The following NTRK3 variants were observed in gnomAD, a reference collection of about 807,000 sequenced individuals.
NTRK3 encodes NT-3 growth factor receptor.
Under a neutral mutation model 91.7 loss-of-function variants are expected in NTRK3, and 24 were observed. The ratio of observed to expected loss-of-function variants is 0.26; its 90% CI spans 0.19 to 0.37. The LOEUF is 0.37. NTRK3 is among the 10% of genes least tolerant of loss of function. The pLI is 1.00. For synonymous variants in NTRK3, 483 were observed against 404.0 expected, an observed-to-expected ratio of 1.20 and a Z score of -2.34; for missense variants, 880 against 1,068.9, an observed-to-expected ratio of 0.82 and a Z score of 2.46.
chr15:87,905,406 A>G (rs2066706898), intron 17 of NTRK3, among the ~76,000 whole-genome samples: 1 of 152,182 alleles, frequency 6.6e-6, no homozygotes, highest in African/African-American at 2.4e-5. Context: ...TTGAAACATA[A>G]CCTTATCAGG....
chr15:88,044,280 A>C (rs867530964), intron 13 of NTRK3, among the ~76,000 whole-genome samples: 2 of 45,592 alleles, frequency 4.4e-5, no homozygotes, highest in Non-Finnish European at 9.7e-5. Context: ...TTTTTTTTTG[A>C]GATGGAGTCT....
intron 13 of NTRK3, among the ~76,000 whole-genome samples, chr15:88,097,099 T>G (rs2049688395): frequency 6.6e-6 from 1 of 152,260 alleles, no homozygotes; most frequent in Admixed American, 6.5e-5. Context: ...ACTTGGCTAG[T>G]GACACAGGCT....
rs1597597265 is a variant in NTRK3, at chr15:88,147,325, C to T, written c.464+10G>A. On this transcript the variant is annotated intron_variant, in intron 6 of 18. Coordinates refer to ENST00000394480, the Ensembl canonical transcript of NTRK3. The stretch of plus-strand genomic sequence containing the variant: ...TTCAGTACCTGGACAGTCTTCAAAA[C>T]CAAACTTACAATTCCCGAAGACTCA... The T allele has an allele frequency of 1.2e-6, 2 of 1,613,268 alleles. No homozygotes were observed. The highest frequency in any genetic ancestry group is 1.3e-5 in the African/African-American group (1 of 75,032).
At chr15:88,036,968 A>G (rs1383975168) in intron 13 of NTRK3, among the ~76,000 whole-genome samples, 1 of 152,204 alleles carries the variant, frequency 6.6e-6, no homozygotes, top group Non-Finnish European at 1.5e-5. Context: ...ATAGATAGCA[A>G]GTAGTCAATG....
rs572156256 is a variant in NTRK3 at position 87,980,653 on chromosome 15, A to G, written c.1586-39900T>C. 2.0e-5 allele frequency among the ~76,000 whole-genome samples: 3 copies of G among 152,296 alleles called. No homozygotes were observed. The South Asian group carries it at 6.2e-4, about 32-fold the overall frequency. On this transcript the variant is annotated intron_variant, in intron 14 of 18. Transcript: ENST00000394480. ...GGGGCCTCTGGACATTGGGAATATGATGGGAAAAACTTGAAACAAAATTTG... is the reference window on the plus strand; with the variant it reads ...GGGGCCTCTGGACATTGGGAATATGGTGGGAAAAACTTGAAACAAAATTTG...
intron 13 of NTRK3, among the ~76,000 whole-genome samples, chr15:88,104,297 T>C (rs1389443206): frequency 6.6e-6 from 1 of 152,192 alleles, no homozygotes; most frequent in African/African-American, 2.4e-5. Flanking sequence ...TAGATTATAG[T>C]TTTAAAGTAA....
At chr15:87,881,124 G>A (rs978541882) in intron 17 of NTRK3, among the ~76,000 whole-genome samples, 1 of 152,210 alleles carries the variant, frequency 6.6e-6, no homozygotes, top group African/African-American at 2.4e-5. Flanking sequence ...GGAAAAGGAA[G>A]TGACTGACAA....
chr15:87,991,592 A>G (rs2075292816), intron 14 of NTRK3, among the ~76,000 whole-genome samples: 1 of 152,078 alleles, frequency 6.6e-6, no homozygotes, highest in Admixed American at 6.6e-5. Context: ...CATTTCTACA[A>G]TCCCCATCCC....
At chr15:87,996,724 A>G (rs917920980) in intron 14 of NTRK3, among the ~76,000 whole-genome samples, 30 of 152,336 alleles carry the variant, frequency 2.0e-4, no homozygotes, top group African/African-American at 5.8e-4. Context: ...GCTATTAAAT[A>G]AGGCTCTTCC....
chr15:87,937,437 G>A (rs183714889), intron 15 of NTRK3, among the ~76,000 whole-genome samples: 1 of 152,108 alleles, frequency 6.6e-6, no homozygotes, highest in Non-Finnish European at 1.5e-5. Context: ...TGGGAAAATA[G>A]TAAAAATCCG....
At chr15:88,173,883 G>C (rs2045757055) in intron 5 of NTRK3, among the ~76,000 whole-genome samples, 1 of 152,232 alleles carries the variant, frequency 6.6e-6, no homozygotes, top group African/African-American at 2.4e-5. Flanking sequence ...GAAACCTTAG[G>C]CAAGTCACTC....
chr15:88,048,908 G>A (rs759354192), intron 13 of NTRK3, among the ~76,000 whole-genome samples: 15 of 152,174 alleles, frequency 9.9e-5, no homozygotes, highest in Non-Finnish European at 8.8e-5. Context: ...GTGCAATCGG[G>A]AAGGTGTCAC....
intron 5 of NTRK3, among the ~76,000 whole-genome samples, chr15:88,156,878 G>A (rs979527903): frequency 3.3e-5 from 5 of 152,062 alleles, no homozygotes; most frequent in African/African-American, 9.7e-5. Flanking sequence ...AAAGTTCAAC[G>A]GAAGACCCAC....
chr15:88,080,806 G>A (rs960606658), intron 13 of NTRK3, among the ~76,000 whole-genome samples: 10 of 152,256 alleles, frequency 6.6e-5, no homozygotes, highest in Non-Finnish European at 8.8e-5. Context: ...GGGGAAGCAA[G>A]CATGGTGCCA....
intron 17 of NTRK3, among the ~76,000 whole-genome samples, chr15:87,913,066 C>T (rs1202527654): frequency 6.7e-5 from 10 of 148,956 alleles, no homozygotes; most frequent in Non-Finnish European, 1.3e-4. Flanking sequence ...TACTAAACAC[C>T]TTGGCAGTGT....
At chr15:87,895,525 C>T (rs895110480) in intron 17 of NTRK3, among the ~76,000 whole-genome samples, 1 of 152,102 alleles carries the variant, frequency 6.6e-6, no homozygotes, top group African/African-American at 2.4e-5. Flanking sequence ...AAATGTTTTA[C>T]CCCAAAATAT....
At chr15:87,947,121 C>A (rs956150023) in intron 14 of NTRK3, among the ~76,000 whole-genome samples, 2 of 152,058 alleles carry the variant, frequency 1.3e-5, no homozygotes, top group Non-Finnish European at 2.9e-5. Context: ...TCAGGTAATT[C>A]ACCTGCCTCA....
At chr15:88,242,709 A>G (rs1365301946) in intron 3 of NTRK3, among the ~76,000 whole-genome samples, 2 of 152,212 alleles carry the variant, frequency 1.3e-5, no homozygotes, top group African/African-American at 2.4e-5. Flanking sequence ...GTCCCACAGA[A>G]GGAAGAGCCA....
At chr15:88,179,360 A>G (rs3900947) in intron 5 of NTRK3, among the ~76,000 whole-genome samples, 46,043 of 152,116 alleles carry the variant, frequency 0.3, 8,670 homozygotes, top group African/African-American at 0.54. Context: ...GGATTTAGGT[A>G]CAGTTCTACT....
Sources: allele counts gnomAD v4.1 joint callset (sites outside exome capture counted in the v4.1 genomes callset), GRCh38; gene constraint gnomAD v4.1.1; transcripts MANE v1.5; gene names NCBI Gene and HGNC (gene_info 2026-07-23, HGNC 2026-07-21).